The following DOK5 variants were observed in gnomAD, a reference collection of about 807,000 sequenced individuals.
The protein encoded by DOK5 is docking protein 5, also known as downstream of tyrosine kinase 5.
A neutral mutation model predicts 43.3 loss-of-function variants in DOK5; 27 were observed. That is an observed-to-expected ratio of 0.62 (90% confidence interval 0.46 to 0.86). The LOEUF is 0.86. DOK5 is among the 40% of genes least tolerant of loss of function. DOK5 has a pLI of 0.00. For missense variants in DOK5, 373 were observed against 392.9 expected (o/e 0.95, Z 0.43); for synonymous variants, 146 against 140.1 (o/e 1.04, Z -0.30).
chr20:54,622,598 C>T (rs146588020), intron 6 of DOK5, among the ~76,000 whole-genome samples: 40 of 152,286 alleles, frequency 2.6e-4, no homozygotes, highest in Non-Finnish European at 3.4e-4. Context: ...GCTGACAGAT[C>T]GTGGCTTTGT....
intron 2 of DOK5, among the ~76,000 whole-genome samples, chr20:54,582,450 A>C (rs1056320121): frequency 4.0e-5 from 6 of 151,450 alleles, no homozygotes; most frequent in African/African-American, 1.5e-4. Flanking sequence ...TCTTCTTTAA[A>C]TGTTTTGTGG....
chr20:54,475,622 G>A lies in DOK5; in HGVS notation c.-325G>A. ...TTCTCCTCCTTCTCGGCCGGGAGGA[G>A]GCAGGGCTGGATCCCTCAGCCGCCG... is the stretch of plus-strand genomic sequence containing the variant. On this transcript the variant is annotated 5_prime_UTR_variant, in exon 1 of 8. Transcript: ENST00000262593. The surrounding 1 kb of genome is among the most constrained non-coding windows in gnomAD (Gnocchi z 4.2). 6.9e-6 allele frequency: 3 copies of A among 431,960 alleles called. No individual in the cohort carries two copies. The highest frequency in any genetic ancestry group is 2.1e-5 in the African/African-American group (1 of 47,842). The allele number at this position is 431,960 out of a possible 1,614,324, so 26.8% of individuals were successfully genotyped here.
chr20:54,649,670 C>T lies in DOK5; in HGVS notation c.857-745C>T, dbSNP rs1325571811. On this transcript the variant is annotated intron_variant, in intron 7 of 7. Transcript: ENST00000262593. ...CCTCTAGTTTTTGTTAAATCAGGGA[C>T]GCATTATCTACAGGGATTGGCAAAC... 7.9e-5 allele frequency among the ~76,000 whole-genome samples: 12 copies of T among 152,158 alleles called. 1 individual carries two copies.
chr20:54,515,308 C>T (rs1305596292), intron 1 of DOK5, among the ~76,000 whole-genome samples: 3 of 152,152 alleles, frequency 2.0e-5, no homozygotes, highest in African/African-American at 4.8e-5. Flanking sequence ...CCACCGTGCC[C>T]GGCCAGTTAT....
chr20:54,498,445 A>G (rs938584323), intron 1 of DOK5, among the ~76,000 whole-genome samples: 3 of 152,216 alleles, frequency 2.0e-5, no homozygotes, highest in Admixed American at 6.5e-5. Context: ...GGAGAGAAAG[A>G]TGGGATTTGG....
chr20:54,522,625 C>G (rs1600678608), intron 1 of DOK5, among the ~76,000 whole-genome samples: 1 of 150,696 alleles, frequency 6.6e-6, no homozygotes. Context: ...GTTCAAGCAA[C>G]TCTCCTGCCT....
chr20:54,561,582 C>A (rs573471679), intron 2 of DOK5, among the ~76,000 whole-genome samples: 2 of 152,172 alleles, frequency 1.3e-5, no homozygotes, highest in African/African-American at 4.8e-5. Flanking sequence ...CTGTAGAACC[C>A]CAGGGCAACC....
intron 2 of DOK5, among the ~76,000 whole-genome samples, chr20:54,577,370 A>G (rs1985486187): frequency 6.6e-6 from 1 of 152,154 alleles, no homozygotes; most frequent in Non-Finnish European, 1.5e-5. Context: ...TCATTTCTTT[A>G]TTTCCTTATA....
intron 1 of DOK5, among the ~76,000 whole-genome samples, chr20:54,501,696 A>G (rs1982615871): frequency 1.3e-5 from 2 of 152,234 alleles, no homozygotes; most frequent in South Asian, 2.1e-4. Context: ...TGTGACTTCC[A>G]TAATTTAGAG....
intron 1 of DOK5, among the ~76,000 whole-genome samples, chr20:54,536,279 A>C (rs1036347148): frequency 6.6e-6 from 1 of 152,214 alleles, no homozygotes; most frequent in African/African-American, 2.4e-5. Context: ...TGAGTGCATC[A>C]GTGGCCTTAG....
chr20:54,614,215 T>C (rs1452222074), intron 6 of DOK5, among the ~76,000 whole-genome samples: 1 of 152,172 alleles, frequency 6.6e-6, no homozygotes, highest in African/African-American at 2.4e-5. Context: ...TTGCTTTTCT[T>C]TCCAAGCAGC....
chr20:54,493,604 C>T (rs113282161), intron 1 of DOK5, among the ~76,000 whole-genome samples: 3,328 of 152,194 alleles, frequency 0.022, 103 homozygotes, highest in African/African-American at 0.071. Flanking sequence ...TAAATAGCCA[C>T]GTACATAGTC....
intron 5 of DOK5, among the ~76,000 whole-genome samples, chr20:54,605,553 G>T (rs113003338): frequency 1.4e-3 from 216 of 152,290 alleles, no homozygotes; most frequent in Non-Finnish European, 2.5e-3. Flanking sequence ...CTTTATATGT[G>T]CAGTTCTGTC....
At chr20:54,541,967 C>T (rs1217157100) in intron 1 of DOK5, among the ~76,000 whole-genome samples, 2 of 151,934 alleles carry the variant, frequency 1.3e-5, no homozygotes, top group Non-Finnish European at 2.9e-5. Flanking sequence ...CAGATGATAC[C>T]TTCTTCATGA....
At chr20:54,563,189 G>C (rs1478684717) in intron 2 of DOK5, among the ~76,000 whole-genome samples, 1 of 152,096 alleles carries the variant, frequency 6.6e-6, no homozygotes, top group African/African-American at 2.4e-5. Flanking sequence ...CTTGATTTTG[G>C]GCTCTGGCCT....
chr20:54,592,574 C>G (rs1468567546), intron 5 of DOK5, among the ~76,000 whole-genome samples: 7 of 149,538 alleles, frequency 4.7e-5, no homozygotes, highest in Non-Finnish European at 1.0e-4. Context: ...GAGTCTCGCT[C>G]TGTCACCCAG....
chr20:54,531,834 C>T (rs1280752841), intron 1 of DOK5, among the ~76,000 whole-genome samples: 1 of 152,212 alleles, frequency 6.6e-6, no homozygotes, highest in Non-Finnish European at 1.5e-5. Context: ...GACCCAATTA[C>T]TATAATTTGA....
At chr20:54,532,063 A>G (rs143443493) in intron 1 of DOK5, among the ~76,000 whole-genome samples, 82 of 152,328 alleles carry the variant, frequency 5.4e-4, no homozygotes, top group African/African-American at 1.9e-3. Flanking sequence ...GGATACAGTA[A>G]TGAAGGCTAT....
In DOK5 at chr20:54,610,519, C is replaced by T. The variant is rs775553407; in HGVS notation, c.731C>T (p.Ser244Leu). ...HERLLQSVKNSMLQMKMSERA... is the reference protein window; with the variant it reads ...HERLLQSVKNLMLQMKMSERA... ...CGCTTGCTACAGAGTGTGAAAAACT[C>T]GATGGTACGTTTGGAATTTCTTCCT... The change falls in exon 6 of 8, where the codon TCG becomes TTG. Residue 244 changes from serine (S) to leucine (L), a missense_variant. Transcript: ENST00000262593. 5 of 1,494,426 alleles carry T rather than the reference C, an allele frequency of 3.3e-6. No individual in the cohort carries two copies. Among genetic ancestry groups the T allele is most frequent in the East Asian group, 2.4e-5 (1 of 41,146 alleles). 92.6% of individuals were successfully genotyped at this position (1,494,426 alleles called of 1,614,324 possible).
Sources: allele counts gnomAD v4.1 joint callset (sites outside exome capture counted in the v4.1 genomes callset), GRCh38; gene constraint gnomAD v4.1.1; non-coding constraint Gnocchi (gnomAD v3.1); transcripts MANE v1.5; gene names NCBI Gene and HGNC (gene_info 2026-07-23, HGNC 2026-07-21).